The following AP2B1 variants were observed in gnomAD, a reference collection of about 807,000 sequenced individuals.
AP2B1 encodes AP-2 complex subunit beta.
In AP2B1, 23 loss-of-function variants were observed where a neutral mutation model predicts 102.0. The ratio of observed to expected loss-of-function variants is 0.23; its 90% CI spans 0.16 to 0.32. The LOEUF (loss-of-function observed/expected upper bound fraction) is 0.32. Ranked by LOEUF, AP2B1 falls within the 10% of genes least tolerant of loss-of-function variation. AP2B1 has a pLI of 1.00. For synonymous variants in AP2B1, 381 were observed against 421.2 expected (o/e 0.90, Z 1.17); for missense variants, 541 against 1,157.4 (o/e 0.47, Z 7.73).
In AP2B1 at chr17:35,670,844, TTC is replaced by T; in HGVS notation, c.1990-7_1990-6del. The T allele has an allele frequency of 6.2e-7, 1 of 1,613,724 alleles. No homozygotes were observed. The highest frequency in any genetic ancestry group is 8.5e-7 in the Non-Finnish European group (1 of 1,179,742). On this transcript the variant is annotated splice_polypyrimidine_tract_variant and intron_variant, in intron 14 of 21. Transcript: ENST00000610402. ...TCTACCTCTCTCTCCTCTCTCTCCT[TTC>T]TCTCTTTCAGCTTGGCAGTGACCTT... is the stretch of plus-strand genomic sequence containing the variant.
intron 20 of AP2B1, among the ~76,000 whole-genome samples, chr17:35,714,049 G>A (rs1251517817): frequency 2.0e-5 from 3 of 152,140 alleles, no homozygotes; most frequent in African/African-American, 4.8e-5. Flanking sequence ...TCTTTGTGAC[G>A]AACAGTTCTA....
intron 9 of AP2B1, among the ~76,000 whole-genome samples, chr17:35,635,288 A>G (rs1437083492): frequency 6.6e-6 from 1 of 152,190 alleles, no homozygotes; most frequent in Admixed American, 6.5e-5. Context: ...TCCTGACTTC[A>G]GGTAATCCAC....
chr17:35,621,518 G>A (rs767482980), intron 5 of AP2B1, among the ~76,000 whole-genome samples: 1 of 152,140 alleles, frequency 6.6e-6, no homozygotes, highest in South Asian at 2.1e-4. Flanking sequence ...TCCTCTGGAC[G>A]GTCACCATTT....
In AP2B1 at chr17:35,587,355, C is replaced by T. The variant is rs1407242627; in HGVS notation, c.-97C>T. ...AAAAGAATCGTGACGGGCAGGAAACCATTACACCACCACCTGGGCTGTGCT... is the reference window on the plus strand; with the variant it reads ...AAAAGAATCGTGACGGGCAGGAAACTATTACACCACCACCTGGGCTGTGCT... On this transcript the variant is annotated 5_prime_UTR_variant, in exon 1 of 22. Transcript: ENST00000610402. 6.5e-6 allele frequency: 1 copy of T among 152,812 alleles called. No homozygotes were observed. The highest frequency in any genetic ancestry group is 1.5e-5 in the Non-Finnish European group (1 of 68,522). The allele number at this position is 152,812 out of a possible 1,614,324, so 9.5% of individuals were successfully genotyped here.
intron 1 of AP2B1, among the ~76,000 whole-genome samples, chr17:35,590,207 C>T (rs1009744394): frequency 6.6e-6 from 1 of 152,132 alleles, no homozygotes; most frequent in Admixed American, 6.5e-5. Flanking sequence ...CGTGAGCCAC[C>T]GCGACCGGCT....
chr17:35,589,140 G>A (rs2073000985), intron 1 of AP2B1, among the ~76,000 whole-genome samples: 3 of 152,182 alleles, frequency 2.0e-5, no homozygotes, highest in Non-Finnish European at 4.4e-5. Flanking sequence ...TGTTTAAATA[G>A]AAATCACAGG....
chr17:35,655,025 A>G (rs527995295), intron 13 of AP2B1, among the ~76,000 whole-genome samples: 43 of 152,228 alleles, frequency 2.8e-4, no homozygotes, highest in African/African-American at 8.9e-4. Context: ...TCCTTAGAGC[A>G]TACCTGTGTT....
chr17:35,724,771 C>G lies in AP2B1; in HGVS notation c.*1072C>G, dbSNP rs587720362. ...TGTGGTTTTCACCACAGGACTGTCT[C>G]TTGTCGTTTTCCCCTAATGCCTTCT... On this transcript the variant is annotated 3_prime_UTR_variant, in exon 22 of 22. Coordinates refer to ENST00000610402, the MANE Select transcript of AP2B1 (RefSeq NM_001030006.2). 7.2e-5 allele frequency: 11 copies of G among 152,386 alleles called. No homozygotes were observed. The highest frequency in any genetic ancestry group is 2.2e-4 in the African/African-American group (9 of 41,584). The allele number at this position is 152,386 out of a possible 1,614,324, so 9.4% of individuals were successfully genotyped here.
chr17:35,658,699 G>A lies in AP2B1; in HGVS notation c.1989+908G>A, dbSNP rs149941342. ...CAACGATTTATTTACCAATATCATT[G>A]GAGGGCTGACATCTTAGATATGAAA... On this transcript the variant is annotated intron_variant, in intron 14 of 21. Transcript: ENST00000610402. Among the ~76,000 whole-genome samples the A allele has an allele frequency of 2.5e-3, 377 of 152,260 alleles. 1 individual carries two copies. Among genetic ancestry groups the A allele is most frequent in the Non-Finnish European group, 4.7e-3 (318 of 68,016 alleles).
chr17:35,663,962 AG>A (rs2075409153), intron 14 of AP2B1, among the ~76,000 whole-genome samples: 2 of 152,206 alleles, frequency 1.3e-5, no homozygotes, highest in South Asian at 4.1e-4. Flanking sequence ...ATTTAAAGAC[AG>A]GGTCACTGCA....
intron 9 of AP2B1, among the ~76,000 whole-genome samples, chr17:35,634,197 C>T (rs2074541747): frequency 6.6e-6 from 1 of 152,178 alleles, no homozygotes; most frequent in African/African-American, 2.4e-5. Flanking sequence ...TTTTTACTTA[C>T]TTATTTTGGT....
At chr17:35,611,389 T>A (rs558394802) in intron 5 of AP2B1, among the ~76,000 whole-genome samples, 86 of 152,342 alleles carry the variant, frequency 5.6e-4, no homozygotes, top group African/African-American at 2.0e-3. Context: ...TCTATGCTAA[T>A]GTAAATTCTT....
At chr17:35,720,618 T>C (rs587609022) in intron 21 of AP2B1, among the ~76,000 whole-genome samples, 1 of 130,122 alleles carries the variant, frequency 7.7e-6, no homozygotes, top group South Asian at 2.9e-4. Flanking sequence ...AGATAGGGTC[T>C]CGCTATGTTG....
chr17:35,688,946 A>G (rs1208625210), intron 18 of AP2B1, among the ~76,000 whole-genome samples: 1 of 152,174 alleles, frequency 6.6e-6, no homozygotes, highest in African/African-American at 2.4e-5. Context: ...CCTGCGTGAC[A>G]GAACGAGCCA....
At position 35,614,798 on chromosome 17, in the gene AP2B1, G is replaced by T. The variant is rs558519091; in HGVS notation, c.525+6411G>T. Among the ~76,000 whole-genome samples the T allele has an allele frequency of 1.8e-4, 28 of 151,546 alleles. No homozygotes were observed. The South Asian group carries it at 5.8e-3, about 32-fold the overall frequency. On this transcript the variant is annotated intron_variant, in intron 5 of 21. Coordinates refer to ENST00000610402, the MANE Select transcript of AP2B1 (RefSeq NM_001030006.2). ...TTAAACTTCCAGCTTCTTTTAATTTGAACTTTTGCTTGAAAACCATTTTAT... is the reference window on the plus strand; with the variant it reads ...TTAAACTTCCAGCTTCTTTTAATTTTAACTTTTGCTTGAAAACCATTTTAT...
intron 14 of AP2B1, among the ~76,000 whole-genome samples, chr17:35,661,131 G>GT (rs1269625395): frequency 6.6e-6 from 1 of 152,002 alleles, no homozygotes; most frequent in Non-Finnish European, 1.5e-5. Context: ...TGCTAACAAA[G>GT]TATTGCCTGG....
At position 35,656,706 on chromosome 17, in the gene AP2B1, A is replaced by AC. The variant is rs113270673; in HGVS notation, c.1797-889dup. 8.0e-3 allele frequency among the ~76,000 whole-genome samples: 1,214 copies of AC among 152,084 alleles called. 16 individuals carry two copies. Among genetic ancestry groups the AC allele is most frequent in the African/African-American group, 0.028 (1,143 of 41,462 alleles). ...GTCAGGAGATCGAGACCACGGTGAT[A>AC]CCCCGTCTCTACTAAAAATACAAAA... On this transcript the variant is annotated intron_variant, in intron 13 of 21. Transcript: ENST00000610402.
intron 18 of AP2B1, among the ~76,000 whole-genome samples, chr17:35,706,769 T>C (rs144641643): frequency 0.017 from 2,619 of 152,076 alleles, 39 homozygotes; most frequent in Non-Finnish European, 0.023. Context: ...GCCTCCCAAG[T>C]AGCTGGGATT....
intron 6 of AP2B1, among the ~76,000 whole-genome samples, chr17:35,626,116 A>C (rs1026991223): frequency 5.9e-5 from 9 of 152,090 alleles, no homozygotes; most frequent in African/African-American, 2.2e-4. Context: ...CATTATCCTT[A>C]AGAGAGGAGG....
Sources: gnomAD v4.1 joint callset for allele counts (sites outside exome capture counted in the v4.1 genomes callset) on GRCh38, gnomAD v4.1.1 for gene constraint, MANE v1.5 for transcripts, NCBI Gene and HGNC (gene_info 2026-07-23, HGNC 2026-07-21) for gene names.